Variants in NEO1 observed in about 807,000 individuals in gnomAD.
The protein encoded by NEO1 is neogenin.
Under a neutral mutation model 159.7 loss-of-function variants are expected in NEO1, and 63 were observed. The ratio of observed to expected loss-of-function variants is 0.39; its 90% CI spans 0.32 to 0.49. NEO1 has a LOEUF of 0.49. NEO1 is among the 20% of genes least tolerant of loss of function. NEO1 has a pLI of 0.85. For missense variants in NEO1, 1,615 were observed against 1,831.0 expected (o/e 0.88, Z 2.15); for synonymous variants, 633 against 662.0 (o/e 0.96, Z 0.67).
At chr15:73,101,757 C>G (rs574962972) in intron 1 of NEO1, among the ~76,000 whole-genome samples, 5 of 152,240 alleles carry the variant, frequency 3.3e-5, no homozygotes, top group Admixed American at 2.0e-4. Flanking sequence ...CCTTGATACT[C>G]TATTGTGGCC....
intron 1 of NEO1, among the ~76,000 whole-genome samples, chr15:73,066,752 A>T (rs539185750): frequency 6.6e-6 from 1 of 152,246 alleles, no homozygotes; most frequent in African/African-American, 2.4e-5. Context: ...CCCTCTTGGC[A>T]GGCCCTCACT....
Position 73,288,402 on chromosome 15 carries a change from A to G in NEO1, c.3500A>G (p.His1167Arg), listed in dbSNP as rs1287725811. ...AAACCTCCAGATCTCTGGATCCATC[A>G]TGAGAGACTGGAGCTGAAACCCATT... ...DVKPPDLWIH[H>R]ERLELKPIDK... Residue 1167 changes from histidine to arginine, a missense_variant, in exon 24 of 29, where the codon CAT becomes CGT. Transcript: ENST00000261908. 25 of 1,614,062 alleles carry G rather than the reference A, an allele frequency of 1.5e-5. No individual in the cohort carries two copies. Among genetic ancestry groups the G allele is most frequent in the Non-Finnish European group, 2.1e-5 (25 of 1,180,026 alleles).
intron 7 of NEO1, among the ~76,000 whole-genome samples, chr15:73,232,915 C>T (rs1201222859): frequency 6.6e-6 from 1 of 152,162 alleles, no homozygotes; most frequent in Non-Finnish European, 1.5e-5. Context: ...AGGGGGATGC[C>T]TCAGACACTG....
intron 5 of NEO1, among the ~76,000 whole-genome samples, chr15:73,169,544 A>T (rs1219747860): frequency 6.6e-6 from 1 of 152,008 alleles, no homozygotes; most frequent in African/African-American, 2.4e-5. Flanking sequence ...TGAAAGGGAA[A>T]CTAATGATTA....
intron 8 of NEO1, among the ~76,000 whole-genome samples, chr15:73,239,314 C>T (rs1196573901): frequency 6.6e-6 from 1 of 152,138 alleles, no homozygotes; most frequent in Non-Finnish European, 1.5e-5. Flanking sequence ...TTTAAATATA[C>T]ATAGCCTTCC....
intron 5 of NEO1, among the ~76,000 whole-genome samples, chr15:73,164,178 C>T (rs2034402001): frequency 1.3e-5 from 2 of 151,276 alleles, no homozygotes; most frequent in Admixed American, 6.6e-5. Context: ...CAGGCACCCA[C>T]CACCACGCCC....
chr15:73,116,841 G>T lies in NEO1; in HGVS notation c.432G>T (p.Ala144=). ...TTGGAACTATTATCAGTAGAACAGC[G>T]AAGCTCATAGTAGCAGGTAAGTTTT... is the stretch of plus-strand genomic sequence containing the variant. ...ESLGTIISRT[A]KLIVAGLPRF... is the part of the protein sequence containing the mutation. The change falls in exon 2 of 29, where the codon GCG becomes GCT. Residue 144 remains alanine, a synonymous_variant. Transcript: ENST00000261908. 1 of 1,552,918 alleles carries T rather than the reference G, an allele frequency of 6.4e-7. No homozygotes were observed. The highest frequency in any genetic ancestry group is 8.7e-7 in the Non-Finnish European group (1 of 1,153,710).
chr15:73,115,811 A>C (rs2071276835), intron 1 of NEO1, among the ~76,000 whole-genome samples: 2 of 152,332 alleles, frequency 1.3e-5, no homozygotes, highest in South Asian at 4.1e-4. Flanking sequence ...ACAGGGACTT[A>C]GAGAAAGTAA....
chr15:73,231,534 ACCAG>A (rs1375012956), intron 7 of NEO1, among the ~76,000 whole-genome samples: 5 of 152,154 alleles, frequency 3.3e-5, no homozygotes, highest in African/African-American at 1.2e-4. Flanking sequence ...GGAGTTCAAG[ACCAG>A]CCTGGGCAAC....
At chr15:73,212,150 G>T (rs1486051950) in intron 7 of NEO1, among the ~76,000 whole-genome samples, 3 of 152,166 alleles carry the variant, frequency 2.0e-5, no homozygotes, top group Non-Finnish European at 4.4e-5. Context: ...TCTGAGCCCA[G>T]AGCCTCTCTG....
intron 9 of NEO1, among the ~76,000 whole-genome samples, chr15:73,244,970 A>AAAAAAAAAAAC (rs1567586571): frequency 1.4e-5 from 2 of 146,852 alleles, no homozygotes; most frequent in Non-Finnish European, 3.0e-5. Context: ...AAAAAAAAAA[A>AAAAAAAAAAAC]AAAAAAAAAA....
At chr15:73,185,123 G>C (rs1031729716) in intron 7 of NEO1, among the ~76,000 whole-genome samples, 1 of 152,094 alleles carries the variant, frequency 6.6e-6, no homozygotes, top group Admixed American at 6.5e-5. Context: ...TGGTTGCCAG[G>C]GTTTGGGAGG....
At chr15:73,107,073 A>G (rs2070733053) in intron 1 of NEO1, among the ~76,000 whole-genome samples, 1 of 152,206 alleles carries the variant, frequency 6.6e-6, no homozygotes, top group African/African-American at 2.4e-5. Context: ...TTTAATTTCA[A>G]GCATTCTCGC....
At chr15:73,215,052 T>A (rs1008012655) in intron 7 of NEO1, among the ~76,000 whole-genome samples, 4 of 152,112 alleles carry the variant, frequency 2.6e-5, no homozygotes, top group Admixed American at 6.5e-5. Flanking sequence ...ATAAAAGGGG[T>A]TGAGTTCTTG....
chr15:73,270,118 A>G lies in NEO1; in HGVS notation c.2603A>G (p.Asp868Gly), dbSNP rs765848272. 2 of 1,614,150 alleles carry G rather than the reference A, an allele frequency of 1.2e-6. No individual in the cohort carries two copies. Among genetic ancestry groups the G allele is most frequent in the East Asian group, 4.5e-5 (2 of 44,882 alleles). ...GTTCAGGCTTCCATTCTGAGTCATG[A>G]CACCATCAGGATTACGTGGGCAGAC... ...VGVQASILSH[D>G]TIRITWADNS... The change falls in exon 17 of 29, where the codon GAC becomes GGC. Residue 868 changes from aspartate to glycine, a missense_variant. By Grantham distance (94) the Asp-to-Gly change is moderately conservative (BLOSUM62 -1). Around this residue, in one of 3 missense-constraint regions of NEO1, gnomAD observed 1,018 missense variants for 1,115.4 expected, o/e 0.91. Transcript: ENST00000261908.
rs1344172281 is a variant in NEO1, at chr15:73,289,292, G to A, written c.3742+54G>A. The A allele has an allele frequency of 5.6e-6, 8 of 1,425,560 alleles. No individual in the cohort carries two copies. The South Asian group carries it at 8.2e-5, about 15-fold the overall frequency. The allele number at this position is 1,425,560 out of a possible 1,614,324, so 88.3% of individuals were successfully genotyped here. On this transcript the variant is annotated intron_variant, in intron 25 of 28. Coordinates refer to ENST00000261908, the MANE Select transcript of NEO1 (RefSeq NM_002499.4). ...GCTACCAATCTGTTCAGTCATGTAG[G>A]GGAACAACTATGAATGATCTTTTTG...
intron 5 of NEO1, among the ~76,000 whole-genome samples, chr15:73,150,477 T>G (rs968918883): frequency 2.0e-5 from 3 of 152,202 alleles, no homozygotes; most frequent in Non-Finnish European, 4.4e-5. Context: ...ACCTTCAGTC[T>G]TCAGTTGACA....
At chr15:73,097,320 G>A (rs138973591) in intron 1 of NEO1, among the ~76,000 whole-genome samples, 10 of 144,766 alleles carry the variant, frequency 6.9e-5, no homozygotes, top group East Asian at 2.0e-4. Flanking sequence ...TTCCACGAAC[G>A]TTTTGAAGTC....
intron 1 of NEO1, among the ~76,000 whole-genome samples, chr15:73,106,770 TA>T (rs2070715961): frequency 2.0e-5 from 3 of 152,202 alleles, no homozygotes; most frequent in Non-Finnish European, 4.4e-5. Context: ...TTCTTACTAC[TA>T]GGGATGGGGA....
Sources: allele counts gnomAD v4.1 joint callset (sites outside exome capture counted in the v4.1 genomes callset), GRCh38; gene constraint gnomAD v4.1.1; regional missense constraint gnomAD v4.1.1; transcripts MANE v1.5; gene names NCBI Gene and HGNC (gene_info 2026-07-23, HGNC 2026-07-21).